Variants in FSTL4 observed in about 807,000 individuals in gnomAD.
FSTL4 encodes the protein follistatin like 4, also known as follistatin-related protein 4.
In FSTL4, 28 loss-of-function variants were observed where a neutral mutation model predicts 78.2. The observed-to-expected ratio is 0.36, with a 90% CI of 0.27 to 0.49. The LOEUF (loss-of-function observed/expected upper bound fraction) is 0.49. Ranked by LOEUF, FSTL4 falls within the 20% of genes least tolerant of loss-of-function variation. FSTL4 has a pLI of 0.98. For synonymous variants in FSTL4, 422 were observed against 440.5 expected, an observed-to-expected ratio of 0.96 and a Z score of 0.53; for missense variants, 922 against 1,084.9, an observed-to-expected ratio of 0.85 and a Z score of 2.11.
chr5:133,339,036 C>T (rs745387654), intron 4 of FSTL4, among the ~76,000 whole-genome samples: 1 of 152,172 alleles, frequency 6.6e-6, no homozygotes, highest in Non-Finnish European at 1.5e-5. Context: ...AGCCAGGCAG[C>T]GCCCTCCCTG....
chr5:133,642,173 G>A, the FSTL4 span, among the ~76,000 whole-genome samples: 1 of 152,134 alleles, frequency 6.6e-6, no homozygotes, highest in Non-Finnish European at 1.5e-5. Context: ...GAGGGGCAGG[G>A]TTTTTCTGGC....
At chr5:133,770,101 T>G in the FSTL4 span, among the ~76,000 whole-genome samples, 3 of 152,240 alleles carry the variant, frequency 2.0e-5, no homozygotes, top group East Asian at 5.8e-4. Flanking sequence ...TGTGGGTGTG[T>G]GTGTGTATAA....
chr5:133,750,621 G>A, the FSTL4 span, among the ~76,000 whole-genome samples: 1 of 152,128 alleles, frequency 6.6e-6, no homozygotes, highest in African/African-American at 2.4e-5. Flanking sequence ...TCCCTAGAGT[G>A]GGTACGAGAA....
rs555581906 is a variant in FSTL4, at chr5:133,358,290, A to C, written c.410-41638T>G. ...TACTCATAGTTTCAGGAAATTGGCT[A>C]TAACTATCTTTGGGGAGGAGGAAGC... On this transcript the variant is annotated intron_variant, in intron 4 of 15. Transcript: ENST00000265342. Among the ~76,000 whole-genome samples, 5 of 152,318 alleles carry C rather than the reference A, an allele frequency of 3.3e-5. 1 individual carries two copies. The highest frequency in any genetic ancestry group is 3.3e-4 in the Admixed American group (5 of 15,306).
At chr5:133,593,238 T>G (rs1239414106) in intron 2 of FSTL4, among the ~76,000 whole-genome samples, 1 of 152,090 alleles carries the variant, frequency 6.6e-6, no homozygotes, top group African/African-American at 2.4e-5. Flanking sequence ...CTGAAACTTG[T>G]CCACCACTAA....
intron 4 of FSTL4, among the ~76,000 whole-genome samples, chr5:133,356,670 C>A (rs1754951258): frequency 6.6e-6 from 1 of 152,196 alleles, no homozygotes; most frequent in African/African-American, 2.4e-5. Flanking sequence ...GTGTCAACTG[C>A]AGGGTTGCCA....
At chr5:133,507,791 G>C (rs1758642215) in intron 3 of FSTL4, among the ~76,000 whole-genome samples, 1 of 151,458 alleles carries the variant, frequency 6.6e-6, no homozygotes, top group South Asian at 2.1e-4. Context: ...AAAGTGCTGG[G>C]GTTACAGGCA....
the FSTL4 span, among the ~76,000 whole-genome samples, chr5:133,758,768 G>A: frequency 1.3e-5 from 2 of 152,194 alleles, no homozygotes; most frequent in African/African-American, 4.8e-5. Context: ...TTTGGGAGGA[G>A]CTTAGCTGGG....
At chr5:133,502,665 T>C (rs1251486568) in intron 3 of FSTL4, among the ~76,000 whole-genome samples, 1 of 152,140 alleles carries the variant, frequency 6.6e-6, no homozygotes, top group Non-Finnish European at 1.5e-5. Context: ...CCTCTCTTCC[T>C]CCCACTCTGG....
At chr5:133,498,440 C>T (rs985270022) in intron 3 of FSTL4, among the ~76,000 whole-genome samples, 5 of 152,136 alleles carry the variant, frequency 3.3e-5, no homozygotes, top group African/African-American at 1.2e-4. Flanking sequence ...ATAGATCAGC[C>T]AGGCATGATG....
intron 3 of FSTL4, among the ~76,000 whole-genome samples, chr5:133,409,441 A>G (rs1756435374): frequency 6.6e-6 from 1 of 152,152 alleles, no homozygotes; most frequent in Admixed American, 6.5e-5. Flanking sequence ...CTGTGACAAT[A>G]GTGAAGCTAC....
chr5:133,437,317 G>A (rs1030524634), intron 3 of FSTL4, among the ~76,000 whole-genome samples: 15 of 152,220 alleles, frequency 9.9e-5, no homozygotes, highest in South Asian at 4.2e-4. Context: ...GACAGTCACC[G>A]CACTTGGGCA....
the FSTL4 span, among the ~76,000 whole-genome samples, chr5:133,694,403 C>A: frequency 6.6e-5 from 10 of 152,268 alleles, no homozygotes; most frequent in African/African-American, 2.2e-4. Context: ...CTCCTCCTCT[C>A]AATCAACAAC....
intron 4 of FSTL4, among the ~76,000 whole-genome samples, chr5:133,355,669 C>T (rs1169357362): frequency 6.6e-6 from 1 of 152,066 alleles, no homozygotes; most frequent in Non-Finnish European, 1.5e-5. Flanking sequence ...AACAAACAAA[C>T]AAACAAAAAC....
chr5:133,751,934 T>A, the FSTL4 span, among the ~76,000 whole-genome samples: 5 of 152,166 alleles, frequency 3.3e-5, no homozygotes, highest in Non-Finnish European at 7.3e-5. Context: ...AAAGGAAGAC[T>A]CACTGGCAGG....
chr5:133,542,779 ATCT>A (rs1456667067), intron 3 of FSTL4, among the ~76,000 whole-genome samples: 15 of 151,938 alleles, frequency 9.9e-5, no homozygotes, highest in Non-Finnish European at 1.9e-4. Flanking sequence ...TAATTATTAC[ATCT>A]TCTTTTCATT....
At chr5:133,381,511 A>G (rs924881438) in intron 4 of FSTL4, among the ~76,000 whole-genome samples, 1 of 152,222 alleles carries the variant, frequency 6.6e-6, no homozygotes, top group Non-Finnish European at 1.5e-5. Flanking sequence ...AAGCTGGAAG[A>G]TGATTATCAC....
At chr5:133,625,692 G>C in the FSTL4 span, among the ~76,000 whole-genome samples, 1 of 116,480 alleles carries the variant, frequency 8.6e-6, no homozygotes, top group Non-Finnish European at 1.8e-5. Context: ...CTAAGCTCTT[G>C]AGGTGTGAGC....
chr5:133,496,638 A>G (rs866729212), intron 3 of FSTL4, among the ~76,000 whole-genome samples: 1 of 152,216 alleles, frequency 6.6e-6, no homozygotes, highest in Middle Eastern at 3.4e-3. Flanking sequence ...CCCCATGATG[A>G]ATGTCATGGG....
Sources: allele counts gnomAD v4.1 joint callset (sites outside exome capture counted in the v4.1 genomes callset), GRCh38; gene constraint gnomAD v4.1.1; transcripts MANE v1.5; gene names NCBI Gene and HGNC (gene_info 2026-07-23, HGNC 2026-07-21).